Variants in NOL11 observed in about 807,000 individuals in gnomAD.
NOL11 encodes nucleolar protein 11.
A neutral mutation model predicts 93.0 loss-of-function variants in NOL11; 42 were observed. That is an observed-to-expected ratio of 0.45 (90% confidence interval 0.35 to 0.58). The LOEUF is 0.58. Ranked by LOEUF, NOL11 falls within the 20% of genes least tolerant of loss-of-function variation. The probability of loss-of-function intolerance (pLI) is 0.00; values close to 1 mark genes in which losing one functional copy is unlikely to be tolerated. For synonymous variants in NOL11, 296 were observed against 293.7 expected (o/e 1.01, Z -0.08); for missense variants, 775 against 841.8 (o/e 0.92, Z 0.98).
At chr17:67,732,482 A>T in intron 7 of NOL11, among the ~76,000 whole-genome samples, 1 of 135,252 alleles carries the variant, frequency 7.4e-6, no homozygotes. Flanking sequence ...TAAGAGCAAG[A>T]CTCCGTCTCA....
Position 67,726,558 on chromosome 17 carries a change from G to T in NOL11, c.763G>T (p.Val255Leu), listed in dbSNP as rs1172652141. Reference sequence around the variant, plus strand: ...TAAATCACTGCTGCTCAAGGCTGTTGTATCTGGTAACGCTCGAAATGGAGT... The same window carrying T: ...TAAATCACTGCTGCTCAAGGCTGTTTTATCTGGTAACGCTCGAAATGGAGT... The part of the protein sequence containing the change: ...LVKSLLLKAV[V>L]SGNARNGVAL... The change falls in exon 7 of 18, where the codon GTA (valine) becomes TTA (leucine). Residue 255 changes from valine (V) to leucine (L), a missense_variant. Physicochemically the swap from Val to Leu is conservative, Grantham distance 32. Coordinates refer to ENST00000253247, the MANE Select transcript of NOL11 (RefSeq NM_015462.5). 6.2e-7 allele frequency: 1 copy of T among 1,614,040 alleles called. No individual in the cohort carries two copies. Among genetic ancestry groups the T allele is most frequent in the Non-Finnish European group, 8.5e-7 (1 of 1,180,026 alleles).
chr17:67,730,792 C>T (rs2055147345), intron 7 of NOL11, among the ~76,000 whole-genome samples: 1 of 152,180 alleles, frequency 6.6e-6, no homozygotes, highest in East Asian at 1.9e-4. Flanking sequence ...GCATTGCAAA[C>T]ATTTTAGTTA....
rs201233755 is a variant in NOL11, at chr17:67,737,488, C to T, written c.1219-20C>T. The T allele has an allele frequency of 6.3e-7, 1 of 1,582,466 alleles. No individual in the cohort carries two copies. Among genetic ancestry groups the T allele is most frequent in the East Asian group, 2.2e-5 (1 of 44,696 alleles). On this transcript the variant is annotated intron_variant, in intron 11 of 17. Coordinates refer to ENST00000253247, the MANE Select transcript of NOL11 (RefSeq NM_015462.5). ...ATTCGTTAATGTGCCAAACTGAATT[C>T]TTTAATTCTGCGCTTTCAGAAAGAT...
intron 16 of NOL11, among the ~76,000 whole-genome samples, chr17:67,741,017 C>T (rs2055251453): frequency 6.6e-6 from 1 of 152,154 alleles, no homozygotes; most frequent in Non-Finnish European, 1.5e-5. Flanking sequence ...CCCACTTACC[C>T]TCCCAAGTAG....
intron 4 of NOL11, among the ~76,000 whole-genome samples, 156 bp from the exon 5 acceptor site, chr17:67,722,424 G>A (rs890805689): frequency 5.9e-5 from 9 of 152,144 alleles, no homozygotes; most frequent in African/African-American, 2.2e-4. Flanking sequence ...CGTATTGCTT[G>A]TGGTATATGT....
intron 7 of NOL11, among the ~76,000 whole-genome samples, chr17:67,730,422 G>A (rs2055143010): frequency 3.3e-5 from 5 of 151,940 alleles, no homozygotes; most frequent in South Asian, 2.1e-4. Context: ...CACCACACCC[G>A]GCTAATTTTT....
At chr17:67,732,978 G>A (rs1184880280) in intron 7 of NOL11, among the ~76,000 whole-genome samples, 1 of 152,074 alleles carries the variant, frequency 6.6e-6, no homozygotes, top group Admixed American at 6.6e-5. Context: ...GTTTATTAAT[G>A]CTATTAATGC....
chr17:67,724,058 T>C lies in NOL11; in HGVS notation c.529T>C (p.Tyr177His). The change falls in exon 6 of 18, where the codon TAC becomes CAC. Residue 177 changes from tyrosine to histidine, a missense_variant. Physicochemically the swap from Tyr to His is moderately conservative, Grantham distance 83. Transcript: ENST00000253247. The stretch of plus-strand genomic sequence containing the variant: ...CCTTTTTTTTTTGCAGCATGGAAAT[T>C]ACTTTGCTTACGTGCAAATGTTTAA... ...LIFITEKHGN[Y>H]FAYVQMFNSR... 3.9e-6 allele frequency: 6 copies of C among 1,545,438 alleles called. No individual in the cohort carries two copies. Among genetic ancestry groups the C allele is most frequent in the Non-Finnish European group, 5.2e-6 (6 of 1,151,788 alleles).
At chr17:67,734,312 T>C (rs747378455) in intron 7 of NOL11, 51 bp from the exon 8 acceptor site, 64 of 1,014,966 alleles carry the variant, frequency 6.3e-5, no homozygotes, top group Middle Eastern at 2.0e-4. Context: ...CCCCAAAATA[T>C]CATATATTTA....
intron 7 of NOL11, chr17:67,726,955 C>T (rs918283226): frequency 1.6e-5 from 3 of 189,662 alleles, no homozygotes; most frequent in Admixed American, 6.1e-5. Context: ...ATTAGTAAGC[C>T]TACATTTGAG....
chr17:67,738,397 G>A, intron 14 of NOL11, 42 bp downstream of exon 14: 1 of 1,310,668 alleles, frequency 7.6e-7, no homozygotes. Flanking sequence ...CTCTTTATAG[G>A]ATATAGTTAT....
chr17:67,723,231 T>G (rs1021519534), intron 5 of NOL11, among the ~76,000 whole-genome samples: 1 of 151,598 alleles, frequency 6.6e-6, no homozygotes, highest in Non-Finnish European at 1.5e-5. Flanking sequence ...AGGCTGGTCT[T>G]GAACTCCCAA....
chr17:67,727,427 C>A (rs2055106250), intron 7 of NOL11, among the ~76,000 whole-genome samples: 1 of 152,094 alleles, frequency 6.6e-6, no homozygotes, highest in African/African-American at 2.4e-5. Context: ...TTTGGGAGGC[C>A]TAGGCAGGCA....
At chr17:67,727,131 T>C (rs1372628031) in intron 7 of NOL11, 2 of 153,694 alleles carry the variant, frequency 1.3e-5, no homozygotes, top group Non-Finnish European at 2.9e-5. Context: ...TCCTAGTCAG[T>C]CATGAAGAAC....
At chr17:67,735,328 T>A (rs1490577913) in intron 8 of NOL11, among the ~76,000 whole-genome samples, 2 of 151,796 alleles carry the variant, frequency 1.3e-5, no homozygotes, top group East Asian at 3.9e-4. Context: ...AGCATACAAT[T>A]TAATTATACT....
Position 67,721,392 on chromosome 17 carries a change from A to G in NOL11, c.327A>G (p.Val109=), listed in dbSNP as rs766013385. ...KVFKATLSAE[V]YRILSVQGTE... is the part of the protein sequence containing the mutation. Reference sequence around the variant, plus strand: ...TGTTCTTCCAGTTGTCAGCAGAAGTATATAGGATACTTTCAGTGCAAGGGA... The same window carrying G: ...TGTTCTTCCAGTTGTCAGCAGAAGTGTATAGGATACTTTCAGTGCAAGGGA... Residue 109 remains valine, a synonymous_variant, in exon 4 of 18, where the codon GTA becomes GTG. Transcript: ENST00000253247. 6.3e-7 allele frequency: 1 copy of G among 1,597,942 alleles called. No homozygotes were observed. Among genetic ancestry groups the G allele is most frequent in the South Asian group, 1.1e-5 (1 of 87,258 alleles).
intron 8 of NOL11, among the ~76,000 whole-genome samples, chr17:67,735,100 A>G (rs1227905683): frequency 6.6e-6 from 1 of 152,242 alleles, no homozygotes; most frequent in Non-Finnish European, 1.5e-5. Context: ...ATGAAATTAC[A>G]TAAAAATACT....
At chr17:67,739,364 G>T in intron 15 of NOL11, 152 bp from the exon 16 acceptor site, 1 of 565,204 alleles carries the variant, frequency 1.8e-6, no homozygotes, top group South Asian at 2.6e-5. Context: ...TTAATGGGAG[G>T]GACTGCATTT....
chr17:67,722,075 G>A (rs73997240), intron 4 of NOL11, among the ~76,000 whole-genome samples: 3 of 152,274 alleles, frequency 2.0e-5, no homozygotes, highest in South Asian at 4.1e-4. Flanking sequence ...TACTTACAAC[G>A]TGGCCAATAA....
Sources: allele counts gnomAD v4.1 joint callset (sites outside exome capture counted in the v4.1 genomes callset), GRCh38; gene constraint gnomAD v4.1.1; transcripts MANE v1.5; gene names NCBI Gene and HGNC (gene_info 2026-07-23, HGNC 2026-07-21).